The following THSD7B variants were observed in gnomAD, a reference collection of about 807,000 sequenced individuals.
THSD7B encodes thrombospondin type 1 domain containing 7B, also known as thrombospondin type-1 domain-containing protein 7B.
THSD7B carries 138 observed loss-of-function variants against 213.6 expected under a neutral mutation model. The ratio of observed to expected loss-of-function variants is 0.65; its 90% CI spans 0.56 to 0.74. The LOEUF (loss-of-function observed/expected upper bound fraction) is 0.74, where lower values mean the gene tolerates loss of function less well. THSD7B is among the 30% of genes least tolerant of loss of function. The probability of loss-of-function intolerance (pLI) is 0.00; values close to 1 mark genes in which losing one functional copy is unlikely to be tolerated. For missense variants in THSD7B, 1,931 were observed against 1,991.5 expected (o/e 0.97, Z 0.58); for synonymous variants, 742 against 687.0 (o/e 1.08, Z -1.25).
intron 2 of THSD7B, among the ~76,000 whole-genome samples, chr2:137,012,042 T>C (rs962491221): frequency 2.0e-5 from 3 of 152,288 alleles, no homozygotes; most frequent in Admixed American, 1.3e-4. Flanking sequence ...AGCAATCCTA[T>C]TCACAAAAAT....
intron 2 of THSD7B, among the ~76,000 whole-genome samples, chr2:136,968,711 AT>A: frequency 6.6e-6 from 1 of 152,210 alleles, no homozygotes; most frequent in African/African-American, 2.4e-5. Context: ...TTCCTATATC[AT>A]TTTTTAAAAG....
At chr2:137,130,194 T>G (rs771086737) in intron 5 of THSD7B, among the ~76,000 whole-genome samples, 1 of 152,038 alleles carries the variant, frequency 6.6e-6, no homozygotes, top group Non-Finnish European at 1.5e-5. Flanking sequence ...TACGGCCAGA[T>G]GAGGTGGATT....
intron 2 of THSD7B, among the ~76,000 whole-genome samples, chr2:136,916,945 A>G (rs1389233829): frequency 6.6e-6 from 1 of 152,200 alleles, no homozygotes; most frequent in Non-Finnish European, 1.5e-5. Context: ...AAAATACACA[A>G]TTAGAGCCAC....
chr2:137,311,932 A>G (rs1213561806), intron 12 of THSD7B, among the ~76,000 whole-genome samples: 1 of 142,696 alleles, frequency 7.0e-6, no homozygotes, highest in African/African-American at 2.6e-5. Flanking sequence ...GGATTTTTGC[A>G]TCAATGTTCA....
At chr2:137,491,719 A>G (rs1336500395) in intron 15 of THSD7B, among the ~76,000 whole-genome samples, 1 of 152,230 alleles carries the variant, frequency 6.6e-6, no homozygotes, top group African/African-American at 2.4e-5. Flanking sequence ...TGTTGAAATC[A>G]TTCCAGTTCC....
chr2:137,406,924 C>T (rs1441641723), intron 13 of THSD7B, among the ~76,000 whole-genome samples: 1 of 152,106 alleles, frequency 6.6e-6, no homozygotes, highest in Non-Finnish European at 1.5e-5. Context: ...ATGTATGTGA[C>T]AGGAATAGTT....
chr2:136,859,386 A>G (rs1683225717), intron 1 of THSD7B, among the ~76,000 whole-genome samples: 1 of 152,214 alleles, frequency 6.6e-6, no homozygotes, highest in Admixed American at 6.5e-5. Flanking sequence ...CTTAACTAGA[A>G]TTAAAAATTC....
chr2:137,656,543 G>T (rs1456549527), intron 22 of THSD7B, among the ~76,000 whole-genome samples: 3 of 152,046 alleles, frequency 2.0e-5, no homozygotes, highest in Non-Finnish European at 4.4e-5. Flanking sequence ...ATATTTTCTA[G>T]ATGTGACTAC....
chr2:137,394,909 A>C (rs1686136070), intron 12 of THSD7B, among the ~76,000 whole-genome samples: 2 of 146,528 alleles, frequency 1.4e-5, no homozygotes, highest in Non-Finnish European at 3.0e-5. Context: ...TAGGTATTTT[A>C]TTCTCTTTGA....
At chr2:137,648,156 C>T (rs1683072471) in intron 21 of THSD7B, among the ~76,000 whole-genome samples, 1 of 152,054 alleles carries the variant, frequency 6.6e-6, no homozygotes, top group Non-Finnish European at 1.5e-5. Flanking sequence ...TTAGTATATT[C>T]ATATAATTCG....
At chr2:136,952,976 C>T (rs914681106) in intron 2 of THSD7B, among the ~76,000 whole-genome samples, 2 of 152,108 alleles carry the variant, frequency 1.3e-5, no homozygotes, top group African/African-American at 2.4e-5. Context: ...TTATTTATAA[C>T]TTCACTCAAG....
At chr2:137,289,011 A>G (rs1683252910) in intron 12 of THSD7B, among the ~76,000 whole-genome samples, 1 of 151,882 alleles carries the variant, frequency 6.6e-6, no homozygotes, top group African/African-American at 2.4e-5. Context: ...TTAACCTCTC[A>G]ATATTCTTAT....
chr2:137,656,594 C>T (rs1397549758), intron 22 of THSD7B, among the ~76,000 whole-genome samples: 4 of 152,174 alleles, frequency 2.6e-5, no homozygotes, highest in East Asian at 1.9e-4. Context: ...GTTTTTGGCA[C>T]TTTCTTGTTA....
intron 13 of THSD7B, among the ~76,000 whole-genome samples, chr2:137,409,388 AG>A (rs1202935682): frequency 6.6e-6 from 1 of 152,220 alleles, no homozygotes; most frequent in Non-Finnish European, 1.5e-5. Context: ...AATCAGATAT[AG>A]GGGGTTCAAC....
intron 15 of THSD7B, among the ~76,000 whole-genome samples, chr2:137,491,033 C>G (rs1688595046): frequency 6.6e-6 from 1 of 152,158 alleles, no homozygotes; most frequent in Non-Finnish European, 1.5e-5. Flanking sequence ...GTTCCATAGA[C>G]TAATGAAGGT....
At chr2:136,959,920 A>G (rs1685188515) in intron 2 of THSD7B, among the ~76,000 whole-genome samples, 1 of 152,196 alleles carries the variant, frequency 6.6e-6, no homozygotes, top group Admixed American at 6.5e-5. Flanking sequence ...ACTTGACTGG[A>G]GGAAGACATT....
chr2:137,637,696 C>T (rs1682859195), intron 20 of THSD7B, among the ~76,000 whole-genome samples: 1 of 152,028 alleles, frequency 6.6e-6, no homozygotes, highest in African/African-American at 2.4e-5. Context: ...TTTTCTCTAC[C>T]TTTATGTCCA....
chr2:137,538,075 G>T (rs1183223944), intron 15 of THSD7B, among the ~76,000 whole-genome samples: 1 of 151,664 alleles, frequency 6.6e-6, no homozygotes, highest in Non-Finnish European at 1.5e-5. Context: ...CTGTATCCCT[G>T]AAAAATAGCA....
intron 10 of THSD7B, among the ~76,000 whole-genome samples, chr2:137,257,486 C>T (rs1573915822): frequency 1.3e-5 from 2 of 152,116 alleles, no homozygotes; most frequent in East Asian, 3.9e-4. Flanking sequence ...TCACAAAGTC[C>T]CCACATTCCC....
Sources: gnomAD v4.1 joint callset for allele counts (sites outside exome capture counted in the v4.1 genomes callset) on GRCh38, gnomAD v4.1.1 for gene constraint, MANE v1.5 for transcripts, NCBI Gene and HGNC (gene_info 2026-07-23, HGNC 2026-07-21) for gene names.